The following TDP1 variants were observed in gnomAD, a reference collection of about 807,000 sequenced individuals.
TDP1 encodes the protein tyr-DNA phosphodiesterase 1.
Under a neutral mutation model 81.5 loss-of-function variants are expected in TDP1, and 64 were observed. The observed-to-expected ratio is 0.79, with a 90% CI of 0.64 to 0.97. TDP1 has a LOEUF of 0.97. Among genes scored for constraint, TDP1 ranks in the 50% least tolerant of loss-of-function variants. The pLI is 0.00. For missense variants in TDP1, 723 were observed against 743.8 expected (o/e 0.97, Z 0.33); for synonymous variants, 256 against 264.3 (o/e 0.97, Z 0.30).
rs1555394455 is a variant in TDP1 at position 90,019,323 on chromosome 14, C to T, written c.1549C>T (p.Leu517=). Reference sequence around the variant, plus strand: ...GTGTCCTTGTCTCTGCAGCGCAAATCTGTCCAAGGCTGCCTGGGGAGCATT... The same window carrying T: ...GTGTCCTTGTCTCTGCAGCGCAAATTTGTCCAAGGCTGCCTGGGGAGCATT... The part of the protein sequence containing the change: ...IAWFLVTSAN[L]SKAAWGALEK... Residue 517 remains leucine, a synonymous_variant, in exon 15 of 17, where the codon CTG becomes TTG. Coordinates refer to ENST00000335725, the MANE Select transcript of TDP1 (RefSeq NM_018319.4). The T allele has an allele frequency of 6.2e-7, 1 of 1,607,092 alleles. No individual in the cohort carries two copies. Among genetic ancestry groups the T allele is most frequent in the Middle Eastern group, 1.7e-4 (1 of 5,762 alleles).
chr14:89,981,832 C>T (rs1025095419), intron 8 of TDP1, among the ~76,000 whole-genome samples: 1 of 152,068 alleles, frequency 6.6e-6, no homozygotes, highest in Non-Finnish European at 1.5e-5. Flanking sequence ...ACTGCAGGCA[C>T]GTACCACCAC....
intron 1 of TDP1, 82 bp downstream of exon 1, chr14:89,956,052 G>A (rs35070653): frequency 0.042 from 6,440 of 152,836 alleles, 463 homozygotes; most frequent in African/African-American, 0.15. Context: ...GCTCCTGGCC[G>A]AGTCGCGGTG....
At chr14:89,981,511 A>C in intron 8 of TDP1, 1 of 454,278 alleles carries the variant, frequency 2.2e-6, no homozygotes, top group Non-Finnish European at 4.4e-6. Context: ...GTTAACAAAC[A>C]GCCTTCTGTG....
At chr14:89,983,729 G>T (rs1895254069) in intron 8 of TDP1, among the ~76,000 whole-genome samples, 1 of 152,222 alleles carries the variant, frequency 6.6e-6, no homozygotes, top group African/African-American at 2.4e-5. Flanking sequence ...GTAATCTACT[G>T]TGGAGCAGTT....
chr14:89,998,426 ATG>A (rs1357761044), intron 14 of TDP1, among the ~76,000 whole-genome samples: 3 of 115,832 alleles, frequency 2.6e-5, no homozygotes, highest in African/African-American at 1.2e-4. Flanking sequence ...ATATATATGT[ATG>A]TATGTATGTA....
chr14:90,005,768 TTA>T (rs1256394797), intron 14 of TDP1, among the ~76,000 whole-genome samples: 1 of 152,244 alleles, frequency 6.6e-6, no homozygotes, highest in Admixed American at 6.5e-5. Flanking sequence ...GAACATTTCA[TTA>T]GAAAATAAAA....
chr14:89,973,939 A>ACG (rs1566858960), intron 6 of TDP1, among the ~76,000 whole-genome samples: 5 of 152,050 alleles, frequency 3.3e-5, no homozygotes, highest in African/African-American at 1.2e-4. Context: ...AGACAGACAC[A>ACG]TAGGCTGTCT....
At chr14:90,007,794 G>T (rs1884222376) in intron 14 of TDP1, among the ~76,000 whole-genome samples, 1 of 151,512 alleles carries the variant, frequency 6.6e-6, no homozygotes, top group Admixed American at 6.6e-5. Context: ...TTAGAGATGG[G>T]GTCTCACTAT....
chr14:89,970,752 CG>C, intron 5 of TDP1: 1 of 929,356 alleles, frequency 1.1e-6, no homozygotes, highest in Non-Finnish European at 1.3e-6. Context: ...CTACAAAGGC[CG>C]GAAACATATC....
intron 15 of TDP1, among the ~76,000 whole-genome samples, chr14:90,029,644 A>C (rs954960796): frequency 2.0e-5 from 3 of 151,208 alleles, no homozygotes; most frequent in African/African-American, 7.3e-5. Flanking sequence ...GATTACAGGC[A>C]TACTCCACCA....
chr14:90,035,039 C>CA (rs1345076334), intron 16 of TDP1, among the ~76,000 whole-genome samples: 2 of 151,848 alleles, frequency 1.3e-5, no homozygotes, highest in Admixed American at 6.6e-5. Context: ...TCCCGCTAAC[C>CA]TTCTCAGCTT....
intron 7 of TDP1, among the ~76,000 whole-genome samples, chr14:89,978,222 G>A (rs1402783339): frequency 6.6e-6 from 1 of 152,234 alleles, no homozygotes; most frequent in South Asian, 2.1e-4. Flanking sequence ...ACCATGTGTG[G>A]TGAAAGGAGT....
At chr14:90,013,831 G>A (rs188874583) in intron 14 of TDP1, among the ~76,000 whole-genome samples, 1 of 152,146 alleles carries the variant, frequency 6.6e-6, no homozygotes, top group South Asian at 2.1e-4. Context: ...TTTTATAAGA[G>A]GAAACCTCTT....
intron 15 of TDP1, among the ~76,000 whole-genome samples, chr14:90,029,379 A>G (rs1042220221): frequency 1.3e-5 from 2 of 151,218 alleles, no homozygotes; most frequent in Non-Finnish European, 2.9e-5. Flanking sequence ...TTGTATTTTT[A>G]GTAGAGATGG....
chr14:89,980,864 C>T (rs967190114), intron 8 of TDP1, among the ~76,000 whole-genome samples: 2 of 152,252 alleles, frequency 1.3e-5, no homozygotes, highest in African/African-American at 4.8e-5. Flanking sequence ...ACAGCTACCT[C>T]TGCTGTACAT....
chr14:89,956,017 G>C (rs917940335), intron 1 of TDP1, 47 bp downstream of exon 1: 1 of 152,796 alleles, frequency 6.5e-6, no homozygotes, highest in Admixed American at 6.5e-5. Flanking sequence ...GGTCTCTCGC[G>C]GGCTGCGGTC....
chr14:89,979,259 G>T (rs547352816), intron 7 of TDP1, among the ~76,000 whole-genome samples: 1 of 152,062 alleles, frequency 6.6e-6, no homozygotes, highest in South Asian at 2.1e-4. Flanking sequence ...AAATAAAGCT[G>T]TGTACCAAAG....
chr14:89,984,666 C>T lies in TDP1; in HGVS notation c.1035C>T (p.His345=), dbSNP rs773495625. Residue 345 remains histidine, a synonymous_variant, in exon 9 of 17, where the codon CAC becomes CAT. Transcript: ENST00000335725. ...LKEWIDVIHK[H]DLSETNVYLI... The stretch of plus-strand genomic sequence containing the variant: ...AGTGGATAGATGTCATTCACAAGCA[C>T]GATCTCTCTGAAACAAAGTATGTGT... 6.6e-5 allele frequency: 106 copies of T among 1,613,818 alleles called. No homozygotes were observed. The highest frequency in any genetic ancestry group is 5.0e-5 in the Admixed American group (3 of 60,002).
intron 10 of TDP1, among the ~76,000 whole-genome samples, chr14:89,985,418 A>T (rs1294888751): frequency 1.3e-5 from 2 of 152,220 alleles, no homozygotes; most frequent in Admixed American, 1.3e-4. Flanking sequence ...TGTTAATGGC[A>T]TAAATATATA....
Sources: gnomAD v4.1 joint callset for allele counts (sites outside exome capture counted in the v4.1 genomes callset) on GRCh38, gnomAD v4.1.1 for gene constraint, MANE v1.5 for transcripts, NCBI Gene and HGNC (gene_info 2026-07-23, HGNC 2026-07-21) for gene names.